IL33: variants seen among roughly 807,000 people sequenced by gnomAD.
The protein encoded by IL33 is interleukin-33.
A neutral mutation model predicts 27.3 loss-of-function variants in IL33; 37 were observed. The ratio of observed to expected loss-of-function variants is 1.36; its 90% CI spans 1.04 to 1.78. The LOEUF (loss-of-function observed/expected upper bound fraction) is 1.78, where lower values mean the gene tolerates loss of function less well. IL33 is among the 40% of genes most tolerant of loss of function. IL33 has a pLI of 0.00. For missense variants in IL33, 406 were observed against 311.4 expected (o/e 1.30, Z -2.29); for synonymous variants, 132 against 102.9 (o/e 1.28, Z -1.71).
chr9:6,237,550 A>G (rs1360527386), intron 1 of IL33, among the ~76,000 whole-genome samples: 1 of 152,206 alleles, frequency 6.6e-6, no homozygotes, highest in East Asian at 1.9e-4. Context: ...CTAGTCCATG[A>G]GGGTGATAAG....
chr9:6,228,562 T>C (rs1235277025), intron 1 of IL33, among the ~76,000 whole-genome samples: 1 of 148,640 alleles, frequency 6.7e-6, no homozygotes, highest in African/African-American at 2.5e-5. Flanking sequence ...ACTTTCTGAA[T>C]CCATTAAACA....
In IL33 at chr9:6,220,750, ATTG is replaced by A. The variant is rs142360071; in HGVS notation, c.-12+4901_-12+4903del. Reference sequence around the variant, plus strand: ...TGCTTCATATTTGTAAATTATTGTTATTGTTATTATTATTATTATTTATTTTTG... The same window carrying A: ...TGCTTCATATTTGTAAATTATTGTTATTATTATTATTATTATTTATTTTTG... On this transcript the variant is annotated intron_variant, in intron 1 of 7. Coordinates refer to ENST00000682010, the MANE Select transcript of IL33 (RefSeq NM_033439.4). Among the ~76,000 whole-genome samples, 592 of 152,018 alleles carry A rather than the reference ATTG, an allele frequency of 3.9e-3. 3 individuals carry two copies. The highest frequency in any genetic ancestry group is 5.9e-3 in the Non-Finnish European group (404 of 67,964).
Position 6,256,116 on chromosome 9 carries a change from C to T in IL33, c.761C>T (p.Ser254Phe). 6.2e-7 allele frequency: 1 copy of T among 1,613,360 alleles called. No homozygotes were observed. Among genetic ancestry groups the T allele is most frequent in the African/African-American group, 1.3e-5 (1 of 74,980 alleles). The change falls in exon 8 of 8, where the codon TCT (serine) becomes TTT (phenylalanine). Residue 254 changes from serine to phenylalanine, a missense_variant. Transcript: ENST00000682010. The stretch of plus-strand genomic sequence containing the variant: ...CATCTTGCTCTGATTAAAGTAGACT[C>T]TTCTGAGAATTTGTGTACTGAAAAT... Reference protein sequence around the residue: ...DNHLALIKVDSSENLCTENIL... With the variant: ...DNHLALIKVDFSENLCTENIL...
chr9:6,230,279 T>G (rs776014642), intron 1 of IL33, among the ~76,000 whole-genome samples: 2 of 152,176 alleles, frequency 1.3e-5, no homozygotes, highest in South Asian at 4.1e-4. Context: ...GCTTGAGTCA[T>G]AGATTGATCT....
rs777871493 is a variant in IL33, at chr9:6,253,591, C to A, written c.509C>A (p.Ser170Ter). Residue 170 changes from serine (S) to a stop codon, truncating the protein, a stop_gained, in exon 6 of 8, where the codon TCA becomes TAA. Transcript: ENST00000682010. LOFTEE classifies it high-confidence loss of function. Reference sequence around the variant, plus strand: ...AGTTACTATGAGTCTCAACACCCCTCAAATGAATCAGGTAATTTGGAGGGC... The same window carrying A: ...AGTTACTATGAGTCTCAACACCCCTAAAATGAATCAGGTAATTTGGAGGGC... ...LLSYYESQHP[S>*]NESGDGVDGK... The A allele has an allele frequency of 6.2e-7, 1 of 1,607,752 alleles. No homozygotes were observed. The highest frequency in any genetic ancestry group is 8.5e-7 in the Non-Finnish European group (1 of 1,175,530).
intron 1 of IL33, among the ~76,000 whole-genome samples, chr9:6,217,069 G>T (rs1489903035): frequency 1.3e-5 from 2 of 152,030 alleles, no homozygotes; most frequent in East Asian, 1.9e-4. Flanking sequence ...AGGTGCTGCT[G>T]ATTGGTTGGG....
chr9:6,248,756 T>C (rs1816157954), intron 2 of IL33, among the ~76,000 whole-genome samples: 1 of 151,810 alleles, frequency 6.6e-6, no homozygotes, highest in Admixed American at 6.6e-5. Flanking sequence ...TTTTTTTAAA[T>C]TTTTTGTAGA....
chr9:6,253,481 A>ATG, intron 5 of IL33, 71 bp from the exon 6 acceptor site: 3 of 986,674 alleles, frequency 3.0e-6, no homozygotes, highest in Non-Finnish European at 4.7e-6. Flanking sequence ...TTCTGATGTT[A>ATG]TGTGTGTGTT....
rs568963368 is a variant in IL33, at chr9:6,221,295, G to C, written c.-12+5443G>C. ...AACTTAATCACAATTGTCAGTATGT[G>C]GTGGTCATTTAATATAAAAAATTAG... On this transcript the variant is annotated intron_variant, in intron 1 of 7. Coordinates refer to ENST00000682010, the MANE Select transcript of IL33 (RefSeq NM_033439.4). 8.5e-5 allele frequency among the ~76,000 whole-genome samples: 13 copies of C among 152,234 alleles called. No homozygotes were observed. The South Asian group carries it at 2.7e-3, about 32-fold the overall frequency.
At chr9:6,249,175 T>A (rs552102575) in intron 2 of IL33, among the ~76,000 whole-genome samples, 296 of 152,312 alleles carry the variant, frequency 1.9e-3, no homozygotes, top group African/African-American at 6.8e-3. Flanking sequence ...CAGTTGAAGA[T>A]AGTTAAAGGT....
At chr9:6,226,505 C>G (rs1413739691) in intron 1 of IL33, among the ~76,000 whole-genome samples, 1 of 152,118 alleles carries the variant, frequency 6.6e-6, no homozygotes, top group African/African-American at 2.4e-5. Flanking sequence ...CTTTTACCCT[C>G]TTTTCATATT....
intron 1 of IL33, among the ~76,000 whole-genome samples, chr9:6,218,928 ATATATATATATATATG>A (rs1818296682): frequency 8.2e-6 from 1 of 122,158 alleles, no homozygotes; most frequent in Non-Finnish European, 1.7e-5. Flanking sequence ...ATATATATAT[ATATATATATATATATG>A]TCTACATCAG....
intron 3 of IL33, among the ~76,000 whole-genome samples, chr9:6,250,865 T>C (rs928907000): frequency 1.3e-5 from 2 of 152,226 alleles, no homozygotes; most frequent in African/African-American, 4.8e-5. Context: ...AAGTGTTTTT[T>C]TAATTTAAAG....
At chr9:6,233,814 A>G (rs1225147425) in intron 1 of IL33, among the ~76,000 whole-genome samples, 2 of 152,170 alleles carry the variant, frequency 1.3e-5, no homozygotes, top group African/African-American at 2.4e-5. Flanking sequence ...ACTACTGTGT[A>G]AAGATACCAT....
In IL33 at chr9:6,256,869, A is replaced by T. The variant is rs1271958442; in HGVS notation, c.*701A>T. Reference sequence around the variant, plus strand: ...CTTCATTTCTAATTGTTTAATTTTTAAAATTCTGATTTTTATATATTGAGT... The same window carrying T: ...CTTCATTTCTAATTGTTTAATTTTTTAAATTCTGATTTTTATATATTGAGT... On this transcript the variant is annotated 3_prime_UTR_variant, in exon 8 of 8. Transcript: ENST00000682010. 2.0e-5 allele frequency: 3 copies of T among 152,290 alleles called. No individual in the cohort carries two copies. Among genetic ancestry groups the T allele is most frequent in the African/African-American group, 7.2e-5 (3 of 41,470 alleles). The allele number at this position is 152,290 out of a possible 1,614,324, so 9.4% of individuals were successfully genotyped here.
At position 6,254,450 on chromosome 9, in the gene IL33, C is replaced by G; in HGVS notation, c.521-12C>G. On this transcript the variant is annotated splice_polypyrimidine_tract_variant and intron_variant, in intron 6 of 7. Transcript: ENST00000682010. ...TTCTTAACTTTATCATTTATACTTT[C>G]TTAATTGTAAGGTGACGGTGTTGAT... 1 of 1,525,774 alleles carries G rather than the reference C, an allele frequency of 6.6e-7. No homozygotes were observed. The highest frequency in any genetic ancestry group is 1.3e-5 in the South Asian group (1 of 79,208). The allele number at this position is 1,525,774 out of a possible 1,614,324, so 94.5% of individuals were successfully genotyped here. A position where few individuals can be genotyped will look rare whatever the true frequency, so the allele number is the denominator to read the frequency against.
intron 1 of IL33, among the ~76,000 whole-genome samples, chr9:6,221,871 G>A (rs1344709142): frequency 2.0e-5 from 3 of 152,174 alleles, no homozygotes; most frequent in Non-Finnish European, 2.9e-5. Flanking sequence ...CCTTATCTTT[G>A]GGGAGAAGAG....
At chr9:6,247,375 T>C (rs558913919) in intron 2 of IL33, among the ~76,000 whole-genome samples, 6 of 152,258 alleles carry the variant, frequency 3.9e-5, no homozygotes, top group East Asian at 3.9e-4. Flanking sequence ...TCAAGGGTAG[T>C]AAGCAGTTAA....
chr9:6,233,089 C>G (rs1455671273), intron 1 of IL33, among the ~76,000 whole-genome samples: 1 of 152,156 alleles, frequency 6.6e-6, no homozygotes, highest in Non-Finnish European at 1.5e-5. Flanking sequence ...ACCATAACCA[C>G]TCTCCATCTC....
Sources: gnomAD v4.1 joint callset for allele counts (sites outside exome capture counted in the v4.1 genomes callset) on GRCh38, gnomAD v4.1.1 for gene constraint, MANE v1.5 for transcripts, NCBI Gene and HGNC (gene_info 2026-07-23, HGNC 2026-07-21) for gene names.